The following SLC35E1 variants were observed in gnomAD, a reference collection of about 807,000 sequenced individuals.
The protein encoded by SLC35E1 is solute carrier family 35, member E1.
Under a neutral mutation model 31.0 loss-of-function variants are expected in SLC35E1, and 12 were observed. The ratio of observed to expected loss-of-function variants is 0.39; its 90% CI spans 0.25 to 0.63. The LOEUF is 0.63. Ranked by LOEUF, SLC35E1 falls within the 20% of genes least tolerant of loss-of-function variation. SLC35E1 has a pLI of 0.52. For missense variants in SLC35E1, 429 were observed against 572.2 expected (o/e 0.75, Z 2.55); for synonymous variants, 257 against 264.1 (o/e 0.97, Z 0.26).
Position 16,549,999 on chromosome 19 carries a change from G to C in SLC35E1, c.*3680C>G, listed in dbSNP as rs1441036694. The C allele has an allele frequency of 2.0e-5, 3 of 152,136 alleles. No individual in the cohort carries two copies. Among genetic ancestry groups the C allele is most frequent in the Non-Finnish European group, 4.4e-5 (3 of 68,032 alleles). 9.4% of individuals were successfully genotyped at this position (152,136 alleles called of 1,614,324 possible). ...ATAATTCAATGCTCTGTGTCCTTCAGGCTGTGAGACCCTAAGGTATTGGGG... is the reference window on the plus strand; with the variant it reads ...ATAATTCAATGCTCTGTGTCCTTCACGCTGTGAGACCCTAAGGTATTGGGG... On this transcript the variant is annotated 3_prime_UTR_variant, in exon 6 of 6. Transcript: ENST00000595753.
In SLC35E1 at chr19:16,560,081, G is replaced by A. The variant is rs145185465; in HGVS notation, c.757-4684C>T. Among the ~76,000 whole-genome samples, 961 of 152,152 alleles carry A rather than the reference G, an allele frequency of 6.3e-3. 14 individuals carry two copies. Among genetic ancestry groups the A allele is most frequent in the African/African-American group, 0.021 (874 of 41,500 alleles). ...TTTGGCTCTGTCCTGAGTCTGTGCC[G>A]CCTGTGGTCAGTCTGAAAGCCAAGC... On this transcript the variant is annotated intron_variant, in intron 4 of 5. Transcript: ENST00000595753.
chr19:16,559,378 G>C (rs2085892696), intron 4 of SLC35E1, among the ~76,000 whole-genome samples: 1 of 151,912 alleles, frequency 6.6e-6, no homozygotes, highest in Non-Finnish European at 1.5e-5. Flanking sequence ...CCAGCACTTT[G>C]GGAGGCTGAG....
At chr19:16,560,867 C>CA (rs370428585) in intron 4 of SLC35E1, among the ~76,000 whole-genome samples, 714 of 67,522 alleles carry the variant, frequency 0.011, 17 homozygotes, top group East Asian at 0.09. Context: ...ATCTCAAAAA[C>CA]AAAAAAAAAA....
In SLC35E1 at chr19:16,567,892, A is replaced by G; in HGVS notation, c.630+140T>C. The stretch of plus-strand genomic sequence containing the variant: ...ATTTAAAAAGCAAAATGACAAACAG[A>G]AAATCAGCAGAATGGCAATCAAGAT... On this transcript the variant is annotated intron_variant, in intron 3 of 5. Transcript: ENST00000595753. 3 of 1,262,530 alleles carry G rather than the reference A, an allele frequency of 2.4e-6. No homozygotes were observed. In the East Asian group the frequency reaches 7.9e-5, roughly 33 times the overall value. The allele number at this position is 1,262,530 out of a possible 1,614,324, so 78.2% of individuals were successfully genotyped here.
At position 16,568,155 on chromosome 19, in the gene SLC35E1, G is replaced by A. The variant is rs2085941260; in HGVS notation, c.507C>T (p.Leu169=). The A allele has an allele frequency of 3.1e-6, 5 of 1,612,024 alleles. No individual in the cohort carries two copies. The highest frequency in any genetic ancestry group is 1.7e-5 in the Admixed American group (1 of 59,750). The change falls in exon 3 of 6, where the codon CTC becomes CTT. Residue 169 remains leucine, a synonymous_variant. Transcript: ENST00000595753. ...GCAGGACACCGCTGATGATGGGGAT[G>A]AGTGACAAGTATACCTGCAGGAAGA... ...EKQSTKVYLS[L]IPIISGVLLA...
Position 16,555,291 on chromosome 19 carries a change from G to T in SLC35E1, c.863C>A (p.Pro288His). The T allele has an allele frequency of 6.2e-7, 1 of 1,614,182 alleles. No individual in the cohort carries two copies. Among genetic ancestry groups the T allele is most frequent in the Non-Finnish European group, 8.5e-7 (1 of 1,180,034 alleles). Residue 288 changes from proline (P) to histidine (H), a missense_variant, in exon 5 of 6, where the codon CCC becomes CAC. Physicochemically the swap from Pro to His is moderately conservative, Grantham distance 77. Transcript: ENST00000595753. The surrounding 1 kb of genome is among the most constrained non-coding windows in gnomAD (Gnocchi z 4.1). ...IAFSILNLVS[P>H]LSYSVANATK... ...GGCATTGGCGACCGAGTAGCTCAGG[G>T]GGCTAACGAGGTTGAGGATGCTGAA...
rs1448411460 is a variant in SLC35E1, at chr19:16,566,557, G to A, written c.731C>T (p.Ser244Leu). 3.1e-6 allele frequency: 5 copies of A among 1,612,714 alleles called. No homozygotes were observed. The highest frequency in any genetic ancestry group is 1.1e-5 in the South Asian group (1 of 90,998). The change falls in exon 4 of 6, where the codon TCG (serine) becomes TTG (leucine). Residue 244 changes from serine to leucine, a missense_variant. Physicochemically the swap from Ser to Leu is moderately radical, Grantham distance 145. Transcript: ENST00000595753. The part of the protein sequence containing the change: ...MIPTWVLVDL[S>L]AFLVSSDLTY... Reference sequence around the variant, plus strand: ...CAAGTCGCTGCTGACCAGGAAAGCCGAGAGGTCCACCAGAACCCAGGTGGG... The same window carrying A: ...CAAGTCGCTGCTGACCAGGAAAGCCAAGAGGTCCACCAGAACCCAGGTGGG...
rs773056991 is a variant in SLC35E1 at position 16,568,133 on chromosome 19, G to A, written c.529C>T (p.Leu177=). 7.4e-6 allele frequency: 12 copies of A among 1,613,270 alleles called. No individual in the cohort carries two copies. The Admixed American group carries it at 1.8e-4, about 25-fold the overall frequency. The change falls in exon 3 of 6, where the codon CTG becomes TTG. Residue 177 remains leucine, a synonymous_variant. Transcript: ENST00000595753. ...LSLIPIISGV[L]LATVTELSFD... ...GACAACTCGGTGACGGTGGCCAGCA[G>A]GACACCGCTGATGATGGGGATGAGT... is the stretch of plus-strand genomic sequence containing the variant.
At position 16,551,205 on chromosome 19, in the gene SLC35E1, T is replaced by C. The variant is rs939029387; in HGVS notation, c.*2474A>G. 1.3e-5 allele frequency: 2 copies of C among 152,282 alleles called. No individual in the cohort carries two copies. Among genetic ancestry groups the C allele is most frequent in the Non-Finnish European group, 2.9e-5 (2 of 68,026 alleles). The allele number at this position is 152,282 out of a possible 1,614,324, so 9.4% of individuals were successfully genotyped here. ...TTCTGACAAATAACACCCTTTGGGA[T>C]TGACTCTTCACGTTTTACACAGCAA... On this transcript the variant is annotated 3_prime_UTR_variant, in exon 6 of 6. Coordinates refer to ENST00000595753, the MANE Select transcript of SLC35E1 (RefSeq NM_024881.5).
At chr19:16,558,873 A>G (rs2085890116) in intron 4 of SLC35E1, among the ~76,000 whole-genome samples, 1 of 149,826 alleles carries the variant, frequency 6.7e-6, no homozygotes. Context: ...ACGTTCAAGC[A>G]GTTCTCCTGC....
chr19:16,561,213 C>CAAAAGAAAAAAAA (rs2085904059), intron 4 of SLC35E1, among the ~76,000 whole-genome samples: 1 of 24,744 alleles, frequency 4.0e-5, no homozygotes, highest in Non-Finnish European at 5.9e-5. Flanking sequence ...GACTCCATCT[C>CAAAAGAAAAAAAA]AAAAAAAAAA....
intron 4 of SLC35E1, among the ~76,000 whole-genome samples, chr19:16,556,489 A>G (rs2085875834): frequency 6.6e-6 from 1 of 152,184 alleles, no homozygotes; most frequent in Non-Finnish European, 1.5e-5. Flanking sequence ...AGCCTGGGCG[A>G]CAGTGTAAGA....
At chr19:16,554,272 A>G (rs925373066) in intron 5 of SLC35E1, among the ~76,000 whole-genome samples, 8 of 150,908 alleles carry the variant, frequency 5.3e-5, no homozygotes, top group African/African-American at 1.5e-4. Context: ...TCTCAGAAAA[A>G]AAAAAAAAAA....
chr19:16,568,408 T>G (rs1397094230), intron 2 of SLC35E1, among the ~76,000 whole-genome samples: 1 of 152,146 alleles, frequency 6.6e-6, no homozygotes, highest in Non-Finnish European at 1.5e-5. Flanking sequence ...TCACCCCCAT[T>G]AAGAGCCTCT....
rs1463738901 is a variant in SLC35E1 at position 16,571,908 on chromosome 19, C to G, written c.421+36G>C. ...TGCGCCCAAACCCGAAGCGGCGGGCCCGGCCGCCGCCCCCGAGGCCGGGCG... is the reference window on the plus strand; with the variant it reads ...TGCGCCCAAACCCGAAGCGGCGGGCGCGGCCGCCGCCCCCGAGGCCGGGCG... On this transcript the variant is annotated intron_variant, in intron 1 of 5. Transcript: ENST00000595753. 1.0e-5 allele frequency: 16 copies of G among 1,525,396 alleles called. No homozygotes were observed. The East Asian group carries it at 3.2e-4, about 31-fold the overall frequency. 94.5% of individuals were successfully genotyped at this position (1,525,396 alleles called of 1,614,324 possible).
rs773546820 is a variant in SLC35E1 at position 16,553,701 on chromosome 19, C to T, written c.1211G>A (p.Ser404Asn). The change falls in exon 6 of 6, where the codon AGT (serine) becomes AAT (asparagine). Residue 404 changes from serine (S) to asparagine (N), a missense_variant. Physicochemically the swap from Ser to Asn is conservative, Grantham distance 46. Coordinates refer to ENST00000595753, the MANE Select transcript of SLC35E1 (RefSeq NM_024881.5). Reference protein sequence around the residue: ...YSRQSYPNSYSLNRYDV With the variant: ...YSRQSYPNSYNLNRYDV ...ACTCTACACATCATAGCGGTTCAAA[C>T]TGTACGAGTTTGGGTAGCTCTGCCG... is the stretch of plus-strand genomic sequence containing the variant. 6.3e-7 allele frequency: 1 copy of T among 1,578,436 alleles called. No homozygotes were observed. The highest frequency in any genetic ancestry group is 2.3e-5 in the East Asian group (1 of 44,334).
rs766910485 is a variant in SLC35E1 at position 16,555,334 on chromosome 19, C to A, written c.820G>T (p.Ala274Ser). The change falls in exon 5 of 6, where the codon GCC becomes TCC. Residue 274 changes from alanine (A) to serine (S), a missense_variant. Physicochemically the swap from Ala to Ser is moderately conservative, Grantham distance 99. Transcript: ENST00000595753. This position sits in a 1 kb window ranked among gnomAD's most constrained non-coding sequence, Gnocchi z 4.1. ...LLAVSGFCNF[A>S]QNVIAFSILN... is the part of the protein sequence containing the mutation. The stretch of plus-strand genomic sequence containing the variant: ...ATGCTGAAGGCGATAACATTCTGGG[C>A]AAAGTTACAGAAGCCGCTGACAGCC... 4 of 1,614,098 alleles carry A rather than the reference C, an allele frequency of 2.5e-6. No individual in the cohort carries two copies. The highest frequency in any genetic ancestry group is 1.1e-5 in the South Asian group (1 of 91,078).
intron 4 of SLC35E1, among the ~76,000 whole-genome samples, chr19:16,561,928 C>G (rs2085908417): frequency 6.6e-6 from 1 of 152,144 alleles, no homozygotes; most frequent in South Asian, 2.1e-4. Flanking sequence ...TGGCTCACAG[C>G]TGTAATCCCA....
In SLC35E1 at chr19:16,555,083, C is replaced by T; in HGVS notation, c.1002+69G>A. ...CCCAGCCTTGAGCGCCCGGGAGGCC[C>T]TTCCTTTTCTGACTTCCTGGGTGTT... On this transcript the variant is annotated intron_variant, in intron 5 of 5. Transcript: ENST00000595753. The surrounding 1 kb of genome is among the most constrained non-coding windows in gnomAD (Gnocchi z 4.1). The T allele has an allele frequency of 6.3e-7, 1 of 1,596,554 alleles. No homozygotes were observed. Among genetic ancestry groups the T allele is most frequent in the Admixed American group, 1.7e-5 (1 of 57,708 alleles).
Sources: gnomAD v4.1 joint callset for allele counts (sites outside exome capture counted in the v4.1 genomes callset) on GRCh38, gnomAD v4.1.1 for gene constraint, Gnocchi (gnomAD v3.1) non-coding constraint, MANE v1.5 for transcripts, NCBI Gene and HGNC (gene_info 2026-07-23, HGNC 2026-07-21) for gene names.